The following PAK5 variants were observed in gnomAD, a reference collection of about 807,000 sequenced individuals.
The protein encoded by PAK5 is p21 (RAC1) activated kinase 5.
PAK5 carries 16 observed loss-of-function variants against 65.9 expected under a neutral mutation model. The ratio of observed to expected loss-of-function variants is 0.24; its 90% CI spans 0.16 to 0.37. The LOEUF (loss-of-function observed/expected upper bound fraction) is 0.37, where lower values mean the gene tolerates loss of function less well. Among genes scored for constraint, PAK5 ranks in the 10% least tolerant of loss-of-function variants. The probability of loss-of-function intolerance (pLI) is 1.00; values close to 1 mark genes in which losing one functional copy is unlikely to be tolerated. For missense variants in PAK5, 785 were observed against 903.9 expected, an observed-to-expected ratio of 0.87 and a Z score of 1.69; for synonymous variants, 371 against 354.9, an observed-to-expected ratio of 1.05 and a Z score of -0.51.
intron 1 of PAK5, among the ~76,000 whole-genome samples, chr20:9,722,360 CTGTAATCACGTGTGATTACACCTCG>C (rs774733931): frequency 2.0e-5 from 3 of 152,210 alleles, no homozygotes; most frequent in East Asian, 1.9e-4. Flanking sequence ...TGGCTGACGC[CTGTAATCACGTGTGATTACACCTCG>C]TGTAATCACG....
intron 2 of PAK5, among the ~76,000 whole-genome samples, chr20:9,665,847 T>C (rs1458438983): frequency 6.6e-6 from 1 of 152,066 alleles, no homozygotes; most frequent in Admixed American, 6.6e-5. Flanking sequence ...CCCCTATTTT[T>C]CCTTCCCACT....
chr20:9,586,985 G>A (rs112509676), intron 3 of PAK5, among the ~76,000 whole-genome samples: 5 of 152,076 alleles, frequency 3.3e-5, no homozygotes, highest in Non-Finnish European at 7.4e-5. Context: ...TTAAGTCACT[G>A]TCTCTTAATC....
At chr20:9,574,626 A>G (rs1326103534) in intron 4 of PAK5, among the ~76,000 whole-genome samples, 1 of 152,206 alleles carries the variant, frequency 6.6e-6, no homozygotes, top group Admixed American at 6.5e-5. Flanking sequence ...CCCATTCATA[A>G]TGACCAAAAT....
At chr20:9,720,216 C>G (rs949295447) in intron 1 of PAK5, among the ~76,000 whole-genome samples, 2 of 152,058 alleles carry the variant, frequency 1.3e-5, no homozygotes, top group African/African-American at 4.8e-5. Context: ...TGTCCCTGAG[C>G]TCAATTAGAT....
intron 2 of PAK5, among the ~76,000 whole-genome samples, chr20:9,659,726 A>G (rs66626586): frequency 0.2 from 29,676 of 152,146 alleles, 3,140 homozygotes; most frequent in East Asian, 0.4. Context: ...ATAAAAAATC[A>G]TAGTTCTTTA....
At position 9,542,314 on chromosome 20, in the gene PAK5, G is replaced by A. The variant is rs74982040; in HGVS notation, c.2004+272C>T. On this transcript the variant is annotated intron_variant, in intron 9 of 9. Transcript: ENST00000353224. ...GCTGAATGAATGAGTATGGCATAGA[G>A]CACCTGATTTACTCTTCTAACCAAC... 7.1e-3 allele frequency among the ~76,000 whole-genome samples: 1,086 copies of A among 152,278 alleles called. 8 individuals carry two copies. Among genetic ancestry groups the A allele is most frequent in the African/African-American group, 0.024 (1,017 of 41,542 alleles).
chr20:9,670,954 G>T (rs1427046979), intron 2 of PAK5, among the ~76,000 whole-genome samples: 2 of 152,148 alleles, frequency 1.3e-5, no homozygotes, highest in Admixed American at 6.5e-5. Context: ...TTTTGTATAA[G>T]GTGTAAGGAA....
Position 9,605,426 on chromosome 20 carries a change from T to C in PAK5, c.205-24496A>G, listed in dbSNP as rs547503416. On this transcript the variant is annotated intron_variant, in intron 3 of 9. Coordinates refer to ENST00000353224, the MANE Select transcript of PAK5 (RefSeq NM_177990.4). ...AGCTTTGCACATGGATAGATGTAGG[T>C]TTGAATATCTGCTCTGTCACCTAAC... Among the ~76,000 whole-genome samples, 11 of 152,252 alleles carry C rather than the reference T, an allele frequency of 7.2e-5. No individual in the cohort carries two copies. In the South Asian group the frequency reaches 1.4e-3, roughly 20 times the overall value.
chr20:9,548,939 A>G (rs2045385639), intron 7 of PAK5, among the ~76,000 whole-genome samples: 1 of 152,224 alleles, frequency 6.6e-6, no homozygotes, highest in Non-Finnish European at 1.5e-5. Flanking sequence ...ATTCCCAAAG[A>G]AATGCTAGAG....
At chr20:9,679,146 G>A (rs1172776450) in intron 2 of PAK5, among the ~76,000 whole-genome samples, 1 of 152,080 alleles carries the variant, frequency 6.6e-6, no homozygotes, top group Non-Finnish European at 1.5e-5. Flanking sequence ...TTAATGAATA[G>A]TAAATATATT....
intron 1 of PAK5, among the ~76,000 whole-genome samples, chr20:9,721,720 C>T (rs183788897): frequency 4.0e-4 from 59 of 147,352 alleles, no homozygotes; most frequent in African/African-American, 1.5e-3. Flanking sequence ...CTATCAAAGC[C>T]ATTCATAGTT....
At chr20:9,715,911 G>C (rs1450147483) in intron 1 of PAK5, among the ~76,000 whole-genome samples, 1 of 137,984 alleles carries the variant, frequency 7.2e-6, no homozygotes, top group East Asian at 2.4e-4. Context: ...TTGGGGGAGG[G>C]GGGAGGGATA....
At chr20:9,807,786 TA>T (rs1292173105) in intron 1 of PAK5, among the ~76,000 whole-genome samples, 51 of 150,028 alleles carry the variant, frequency 3.4e-4, no homozygotes, top group African/African-American at 1.1e-3. Context: ...ATAATAATAA[TA>T]ATAAATCCAG....
intron 3 of PAK5, among the ~76,000 whole-genome samples, chr20:9,618,648 C>T (rs1472847458): frequency 1.3e-5 from 2 of 151,344 alleles, no homozygotes; most frequent in Non-Finnish European, 2.9e-5. Flanking sequence ...CTCCTGACCT[C>T]GTGATCCACC....
intron 5 of PAK5, among the ~76,000 whole-genome samples, chr20:9,563,943 G>A (rs917426039): frequency 2.0e-5 from 3 of 152,156 alleles, no homozygotes; most frequent in Non-Finnish European, 2.9e-5. Flanking sequence ...GCAGCTGAGT[G>A]CATTTGTACA....
At chr20:9,789,340 G>A (rs376369874) in intron 1 of PAK5, among the ~76,000 whole-genome samples, 1 of 152,082 alleles carries the variant, frequency 6.6e-6, no homozygotes, top group African/African-American at 2.4e-5. Context: ...CTATCAAACT[G>A]CTCTCCCTTT....
chr20:9,599,914 G>A (rs757015019), intron 3 of PAK5, among the ~76,000 whole-genome samples: 1 of 151,922 alleles, frequency 6.6e-6, no homozygotes, highest in Non-Finnish European at 1.5e-5. Context: ...AATTTTCAAG[G>A]AATTATTACT....
At chr20:9,834,708 G>A (rs1182644368) in intron 1 of PAK5, among the ~76,000 whole-genome samples, 2 of 152,128 alleles carry the variant, frequency 1.3e-5, no homozygotes, top group Non-Finnish European at 2.9e-5. Context: ...AAAGATTAGA[G>A]GGTTATAGTG....
At chr20:9,806,371 C>T (rs2049233374) in intron 1 of PAK5, among the ~76,000 whole-genome samples, 1 of 152,080 alleles carries the variant, frequency 6.6e-6, no homozygotes, top group African/African-American at 2.4e-5. Flanking sequence ...TGCTCCAGTT[C>T]CTGCATCTTG....
Sources: allele counts gnomAD v4.1 joint callset (sites outside exome capture counted in the v4.1 genomes callset), GRCh38; gene constraint gnomAD v4.1.1; transcripts MANE v1.5; gene names NCBI Gene and HGNC (gene_info 2026-07-23, HGNC 2026-07-21).